The following MCM6 variants were observed in gnomAD, a reference collection of about 807,000 sequenced individuals.
The protein encoded by MCM6 is DNA replication licensing factor MCM6.
A neutral mutation model predicts 94.3 loss-of-function variants in MCM6; 46 were observed. That is an observed-to-expected ratio of 0.49 (90% CI 0.39 to 0.62). The LOEUF is 0.62. Among genes scored for constraint, MCM6 ranks in the 20% least tolerant of loss-of-function variants. The probability of loss-of-function intolerance (pLI) is 0.00; values close to 1 mark genes in which losing one functional copy is unlikely to be tolerated. For synonymous variants in MCM6, 335 were observed against 351.9 expected, an observed-to-expected ratio of 0.95 and a Z score of 0.54; for missense variants, 865 against 1,017.9, an observed-to-expected ratio of 0.85 and a Z score of 2.04.
chr2:135,876,293 T>G lies in MCM6; in HGVS notation c.73A>C (p.Lys25Gln), dbSNP rs1229479030. 1 of 1,611,234 alleles carries G rather than the reference T, an allele frequency of 6.2e-7. No individual in the cohort carries two copies. Among genetic ancestry groups the G allele is most frequent in the African/African-American group, 1.3e-5 (1 of 74,816 alleles). Residue 25 changes from lysine to glutamine, a missense_variant, in exon 1 of 17, where the codon AAG becomes CAG. Around this residue, in one of 3 missense-constraint regions of MCM6, gnomAD observed 404 missense variants for 451.9 expected, o/e 0.89. Coordinates refer to ENST00000264156, the MANE Select transcript of MCM6 (RefSeq NM_005915.6). ...AAGTCCAGGAACAGTTTCTGGCACTTCTCGGCCACCTCGTCGCGGACCTCC... is the reference window on the plus strand; with the variant it reads ...AAGTCCAGGAACAGTTTCTGGCACTGCTCGGCCACCTCGTCGCGGACCTCC... ...HLEVRDEVAE[K>Q]CQKLFLDFLE...
chr2:135,869,970 C>A (rs1460443944), intron 3 of MCM6, among the ~76,000 whole-genome samples: 7 of 152,162 alleles, frequency 4.6e-5, no homozygotes, highest in African/African-American at 1.7e-4. Context: ...TTTACAGCAT[C>A]AATTTTATAA....
rs2070069 is a variant in MCM6, at chr2:135,840,787, A to G, written c.*48T>C. ...AGCTCCAGCCAGGCTCCAGGCCACG[A>G]GGTGCTGTGCCACAGTTCCTCAGCT... On this transcript the variant is annotated 3_prime_UTR_variant, in exon 17 of 17. Coordinates refer to ENST00000264156, the MANE Select transcript of MCM6 (RefSeq NM_005915.6). 8.4e-3 allele frequency: 10,950 copies of G among 1,299,216 alleles called. 685 individuals carry two copies. In the East Asian group the frequency reaches 0.16, roughly 20 times the overall value. 80.5% of individuals were successfully genotyped at this position (1,299,216 alleles called of 1,614,324 possible). A position where few individuals can be genotyped will look rare whatever the true frequency, so the allele number is the denominator to read the frequency against.
chr2:135,844,882 A>G (rs1489155865), intron 15 of MCM6, among the ~76,000 whole-genome samples, 198 bp from the exon 16 acceptor site: 3 of 152,274 alleles, frequency 2.0e-5, no homozygotes, highest in Non-Finnish European at 4.4e-5. Flanking sequence ...GTATTAAAGC[A>G]TGCCTTATTT....
chr2:135,869,455 ACT>A (rs1680163467), intron 3 of MCM6, among the ~76,000 whole-genome samples: 1 of 151,654 alleles, frequency 6.6e-6, no homozygotes. Context: ...ATATGCAAAT[ACT>A]TTTTTGCTTA....
Position 135,856,838 on chromosome 2 carries a change from T to C in MCM6, c.1516A>G (p.Ile506Val), listed in dbSNP as rs141351106. 1.9e-4 allele frequency: 305 copies of C among 1,614,188 alleles called. No individual in the cohort carries two copies. The highest frequency in any genetic ancestry group is 4.2e-4 in the Admixed American group (25 of 60,016). Residue 506 changes from isoleucine (I) to valine (V), a missense_variant, in exon 11 of 17, where the codon ATC (isoleucine) becomes GTC (valine). This residue lies in a region of MCM6 where 153 missense variants were observed against 241.5 expected (regional missense o/e 0.63). Transcript: ENST00000264156. ...RTSILAAANP[I>V]SGHYDRSKSL... ...TTTGATCTGTCATAGTGTCCACTGATTGGGTTTGCTGCTGCCAAAATGGAC... is the reference window on the plus strand; with the variant it reads ...TTTGATCTGTCATAGTGTCCACTGACTGGGTTTGCTGCTGCCAAAATGGAC...
chr2:135,844,936 AT>A, intron 15 of MCM6, among the ~76,000 whole-genome samples: 1 of 152,356 alleles, frequency 6.6e-6, no homozygotes, highest in Non-Finnish European at 1.5e-5. Context: ...TATAAGAAAT[AT>A]GTTTCTTAAA....
In MCM6 at chr2:135,870,342, G is replaced by T; in HGVS notation, c.274C>A (p.Arg92=). The change falls in exon 3 of 17, where the codon CGG becomes AGG. Residue 92 remains arginine (R), a synonymous_variant. Coordinates refer to ENST00000264156, the MANE Select transcript of MCM6 (RefSeq NM_005915.6). ...TCTTTGACGAATGTTTTCAAGGCCCGACACAGGTAAGGGTAAACTCTGAAA... is the reference window on the plus strand; with the variant it reads ...TCTTTGACGAATGTTTTCAAGGCCCTACACAGGTAAGGGTAAACTCTGAAA... ...EFYRVYPYLC[R]ALKTFVKDRK... 1 of 1,613,606 alleles carries T rather than the reference G, an allele frequency of 6.2e-7. No homozygotes were observed. The highest frequency in any genetic ancestry group is 1.1e-5 in the South Asian group (1 of 91,018).
chr2:135,842,602 T>G (rs1679595495), intron 16 of MCM6, among the ~76,000 whole-genome samples: 1 of 152,094 alleles, frequency 6.6e-6, no homozygotes, highest in Non-Finnish European at 1.5e-5. Context: ...ATGTTAAACA[T>G]TACGAAGAAA....
At chr2:135,846,525 T>C in intron 14 of MCM6, 133 bp from the exon 15 acceptor site, 1 of 734,578 alleles carries the variant, frequency 1.4e-6, no homozygotes, top group Non-Finnish European at 2.2e-6. Flanking sequence ...TTATTTGTTT[T>C]AGAGACAGGG....
At chr2:135,842,111 A>G (rs1446413444) in intron 16 of MCM6, among the ~76,000 whole-genome samples, 1 of 131,594 alleles carries the variant, frequency 7.6e-6, no homozygotes, top group East Asian at 1.9e-4. Context: ...TCAAAAGATA[A>G]ATAAATAAAT....
At chr2:135,874,332 T>C (rs1048013475) in intron 1 of MCM6, among the ~76,000 whole-genome samples, 7 of 152,170 alleles carry the variant, frequency 4.6e-5, no homozygotes, top group African/African-American at 1.4e-4. Context: ...CCTGGGAGCC[T>C]AAGGAAGAAA....
Position 135,851,581 on chromosome 2 carries a change from T to C in MCM6, c.1756-18A>G, listed in dbSNP as rs1679781086. 6.4e-7 allele frequency: 1 copy of C among 1,572,246 alleles called. No homozygotes were observed. The highest frequency in any genetic ancestry group is 2.3e-5 in the East Asian group (1 of 44,344). On this transcript the variant is annotated intron_variant, in intron 12 of 16. Coordinates refer to ENST00000264156, the MANE Select transcript of MCM6 (RefSeq NM_005915.6). ...TTGGAAATCTGTTTCAGATCATCAC[T>C]CAAGTTAGAGAAACATTTCTATTTG... is the stretch of plus-strand genomic sequence containing the variant.
intron 5 of MCM6, 94 bp downstream of exon 5, chr2:135,866,469 T>C (rs1680096910): frequency 6.9e-7 from 1 of 1,453,062 alleles, no homozygotes; most frequent in East Asian, 2.3e-5. Context: ...TTCTGATTGG[T>C]AGCCAAAAAG....
At chr2:135,875,007 G>C (rs776435678) in intron 1 of MCM6, among the ~76,000 whole-genome samples, 1 of 152,198 alleles carries the variant, frequency 6.6e-6, no homozygotes, top group Non-Finnish European at 1.5e-5. Flanking sequence ...GGTGGGTGAC[G>C]GTGGCTGAGG....
chr2:135,870,442 T>C, intron 2 of MCM6, 81 bp from the exon 3 acceptor site: 1 of 912,980 alleles, frequency 1.1e-6, no homozygotes, highest in South Asian at 1.4e-5. Context: ...ACAGCCGAGA[T>C]TAAGGAATTT....
At position 135,852,922 on chromosome 2, in the gene MCM6, C is replaced by G. The variant is rs750609337; in HGVS notation, c.1627-7G>C. The G allele has an allele frequency of 1.2e-5, 19 of 1,580,624 alleles. No individual in the cohort carries two copies. Among genetic ancestry groups the G allele is most frequent in the Non-Finnish European group, 1.6e-5 (19 of 1,168,064 alleles). On this transcript the variant is annotated splice_polypyrimidine_tract_variant and splice_region_variant and intron_variant, in intron 11 of 16. Transcript: ENST00000264156. ...CAATGGCATAATCTGTAACCTAATT[C>G]AAAACAAAAAAATCACTTTGATAGT... is the stretch of plus-strand genomic sequence containing the variant.
At chr2:135,871,611 T>C (rs1315391770) in intron 2 of MCM6, among the ~76,000 whole-genome samples, 1 of 152,260 alleles carries the variant, frequency 6.6e-6, no homozygotes, top group Non-Finnish European at 1.5e-5. Flanking sequence ...TGTTTCTTGC[T>C]ATATATAACA....
chr2:135,870,391 TAG>T (rs1558763749), intron 2 of MCM6, 30 bp from the exon 3 acceptor site: 1 of 1,522,326 alleles, frequency 6.6e-7, no homozygotes, highest in South Asian at 1.1e-5. Flanking sequence ...GCTGATACCT[TAG>T]AGGTTTACCA....
At chr2:135,861,707 G>A (rs4988193) in intron 8 of MCM6, among the ~76,000 whole-genome samples, 3,548 of 152,192 alleles carry the variant, frequency 0.023, 126 homozygotes, top group African/African-American at 0.08. Flanking sequence ...CCGCCTCCTG[G>A]GTTCACGCCA....
Sources: gnomAD v4.1 joint callset for allele counts (sites outside exome capture counted in the v4.1 genomes callset) on GRCh38, gnomAD v4.1.1 for gene constraint, gnomAD v4.1.1 regional missense constraint, MANE v1.5 for transcripts, NCBI Gene and HGNC (gene_info 2026-07-23, HGNC 2026-07-21) for gene names.